Variants in RGS9BP observed in about 807,000 individuals in gnomAD.
RGS9BP encodes the protein regulator of G protein signaling 9 binding protein.
A neutral mutation model predicts 3.8 loss-of-function variants in RGS9BP; 1 was observed. The observed-to-expected ratio is 0.26, with a 90% confidence interval of 0.09 to 1.24. RGS9BP has a LOEUF of 1.24. Ranked by LOEUF, RGS9BP falls within the 50% of genes most tolerant of loss-of-function variation. The pLI is 0.48. For synonymous variants in RGS9BP, 200 were observed against 177.8 expected, an observed-to-expected ratio of 1.13 and a Z score of -1.00; for missense variants, 363 against 344.3, an observed-to-expected ratio of 1.05 and a Z score of -0.43.
At position 32,677,075 on chromosome 19, in the gene RGS9BP, G is replaced by T. The variant is rs566484123; in HGVS notation, c.*104G>T. ...GCAAGGGGAGTGGTCCTAAAACCCC[G>T]TGTGTGCATGGGTACACGCGCGTTT... On this transcript the variant is annotated 3_prime_UTR_variant, in exon 1 of 1. Coordinates refer to ENST00000334176, the MANE Select transcript of RGS9BP (RefSeq NM_207391.3). The T allele has an allele frequency of 1.0e-6, 1 of 972,794 alleles. No individual in the cohort carries two copies. The highest frequency in any genetic ancestry group is 1.6e-6 in the Non-Finnish European group (1 of 621,626). 60.3% of individuals were successfully genotyped at this position (972,794 alleles called of 1,614,324 possible).
chr19:32,676,548 C>A lies in RGS9BP; in HGVS notation c.285C>A (p.Arg95=), dbSNP rs1411507378. 1 of 1,468,370 alleles carries A rather than the reference C, an allele frequency of 6.8e-7. No homozygotes were observed. The highest frequency in any genetic ancestry group is 1.5e-5 in the African/African-American group (1 of 67,578). 91.0% of individuals were successfully genotyped at this position (1,468,370 alleles called of 1,614,324 possible). A position where few individuals can be genotyped will look rare whatever the true frequency, so the allele number is the denominator to read the frequency against. The change falls in exon 1 of 1, where the codon CGC becomes CGA. Residue 95 remains arginine (R), a synonymous_variant. Coordinates refer to ENST00000334176, the MANE Select transcript of RGS9BP (RefSeq NM_207391.3). ...ACCTGCTGGAAGCGGACATGCGACG[C>A]GCGCTGGAGCTGGGCGCCGCGTTCC... ...CLDLLEADMR[R]ALELGAAFPL...
Position 32,677,447 on chromosome 19 carries a change from C to T in RGS9BP, c.*476C>T, listed in dbSNP as rs1353132951. ...TTTCCCGGACAAGAAAAATTGCAATCAAATGTCAGCAGCTTTTATTACCTT... is the reference window on the plus strand; with the variant it reads ...TTTCCCGGACAAGAAAAATTGCAATTAAATGTCAGCAGCTTTTATTACCTT... On this transcript the variant is annotated 3_prime_UTR_variant, in exon 1 of 1. Transcript: ENST00000334176. 2 of 177,786 alleles carry T rather than the reference C, an allele frequency of 1.1e-5. No individual in the cohort carries two copies. The highest frequency in any genetic ancestry group is 4.8e-5 in the African/African-American group (2 of 41,664). 11.0% of individuals were successfully genotyped at this position (177,786 alleles called of 1,614,324 possible).
Position 32,675,947 on chromosome 19 carries a change from A to C in RGS9BP, c.-317A>C, listed in dbSNP as rs1461815210. The C allele has an allele frequency of 1.4e-5, 4 of 289,882 alleles. No individual in the cohort carries two copies. Among genetic ancestry groups the C allele is most frequent in the Admixed American group, 5.3e-5 (1 of 19,040 alleles). The allele number at this position is 289,882 out of a possible 1,614,324, so 18.0% of individuals were successfully genotyped here. On this transcript the variant is annotated 5_prime_UTR_variant, in exon 1 of 1. Transcript: ENST00000334176. The stretch of plus-strand genomic sequence containing the variant: ...CACGGAGGATGGGGACCGCACCCTC[A>C]GCTTCGCAGGGAGCCACCGTGGAGG...
Position 32,676,527 on chromosome 19 carries a change from G to A in RGS9BP, c.264G>A (p.Leu88=), listed in dbSNP as rs1968002855. ...TGGCCTTCTCGGGCTGCCTGGACCT[G>A]CTGGAAGCGGACATGCGACGCGCGC... ...LWVAFSGCLD[L]LEADMRRALE... Residue 88 remains leucine, a synonymous_variant, in exon 1 of 1, where the codon CTG becomes CTA. Coordinates refer to ENST00000334176, the MANE Select transcript of RGS9BP (RefSeq NM_207391.3). 6.6e-7 allele frequency: 1 copy of A among 1,511,366 alleles called. No individual in the cohort carries two copies. The highest frequency in any genetic ancestry group is 1.4e-5 in the African/African-American group (1 of 69,700). The allele number at this position is 1,511,366 out of a possible 1,614,324, so 93.6% of individuals were successfully genotyped here. A position where few individuals can be genotyped will look rare whatever the true frequency, so the allele number is the denominator to read the frequency against.
chr19:32,677,768 T>A lies in RGS9BP; in HGVS notation c.*797T>A, dbSNP rs975502917. On this transcript the variant is annotated 3_prime_UTR_variant, in exon 1 of 1. Transcript: ENST00000334176. ...TGGGGGTAAGAGGAAGAGCAGAGGC[T>A]TGGGGTAGGGCCACCTGGTGTTTAA... The A allele has an allele frequency of 3.0e-5, 5 of 167,258 alleles. No homozygotes were observed. Among genetic ancestry groups the A allele is most frequent in the Non-Finnish European group, 5.9e-5 (4 of 68,266 alleles). The allele number at this position is 167,258 out of a possible 1,614,324, so 10.4% of individuals were successfully genotyped here. A position where few individuals can be genotyped will look rare whatever the true frequency, so the allele number is the denominator to read the frequency against.
Position 32,676,570 on chromosome 19 carries a change from T to C in RGS9BP, c.307T>C (p.Phe103Leu). ...ACGCGCGCTGGAGCTGGGCGCCGCG[T>C]TCCCGCTGCACGCGCCGCGGCGGCC... ...MRRALELGAA[F>L]PLHAPRRPLV... The change falls in exon 1 of 1, where the codon TTC becomes CTC. Residue 103 changes from phenylalanine (F) to leucine (L), a missense_variant. Phe to Leu is a conservative substitution (Grantham distance 22). Coordinates refer to ENST00000334176, the MANE Select transcript of RGS9BP (RefSeq NM_207391.3). 2 of 1,418,630 alleles carry C rather than the reference T, an allele frequency of 1.4e-6. No individual in the cohort carries two copies. The highest frequency in any genetic ancestry group is 1.8e-6 in the Non-Finnish European group (2 of 1,098,506). The allele number at this position is 1,418,630 out of a possible 1,614,324, so 87.9% of individuals were successfully genotyped here. A position where few individuals can be genotyped will look rare whatever the true frequency, so the allele number is the denominator to read the frequency against.
In RGS9BP at chr19:32,676,918, G is replaced by A. The variant is rs752238228; in HGVS notation, c.655G>A (p.Ala219Thr). ...RKALAAILFG[A>T]VLLAAVALAV... Reference sequence around the variant, plus strand: ...GGCCCTGGCCGCCATCCTTTTCGGCGCCGTGCTGCTGGCGGCTGTGGCCCT... The same window carrying A: ...GGCCCTGGCCGCCATCCTTTTCGGCACCGTGCTGCTGGCGGCTGTGGCCCT... The change falls in exon 1 of 1, where the codon GCC (alanine) becomes ACC (threonine). Residue 219 changes from alanine to threonine, a missense_variant. Physicochemically the swap from Ala to Thr is moderately conservative, Grantham distance 58. Coordinates refer to ENST00000334176, the MANE Select transcript of RGS9BP (RefSeq NM_207391.3). 17 of 1,601,962 alleles carry A rather than the reference G, an allele frequency of 1.1e-5. No individual in the cohort carries two copies.
At position 32,677,124 on chromosome 19, in the gene RGS9BP, GACACGGTT is replaced by G; in HGVS notation, c.*154_*161del. The G allele has an allele frequency of 1.5e-6, 1 of 677,988 alleles. No homozygotes were observed. Among genetic ancestry groups the G allele is most frequent in the Non-Finnish European group, 2.6e-6 (1 of 380,440 alleles). 42.0% of individuals were successfully genotyped at this position (677,988 alleles called of 1,614,324 possible). ...TTCCAGTGCACATCTGCCTGGGCAG[GACACGGTT>G]TCCTCTTGCTGGCCCGGGAGGAGTT... is the stretch of plus-strand genomic sequence containing the variant. On this transcript the variant is annotated 3_prime_UTR_variant, in exon 1 of 1. Coordinates refer to ENST00000334176, the MANE Select transcript of RGS9BP (RefSeq NM_207391.3).
Position 32,676,676 on chromosome 19 carries a change from C to G in RGS9BP, c.413C>G (p.Ala138Gly). ...AGCACCCGCAGCCTGCGGCTCGAGG[C>G]GGAGGGCGACTTCGACGTCGCGGAC... ...ALSTRSLRLEAEGDFDVADLR... is the reference protein window; with the variant it reads ...ALSTRSLRLEGEGDFDVADLR... Residue 138 changes from alanine to glycine, a missense_variant, in exon 1 of 1, where the codon GCG becomes GGG. Transcript: ENST00000334176. 1 of 1,535,120 alleles carries G rather than the reference C, an allele frequency of 6.5e-7. No individual in the cohort carries two copies. The highest frequency in any genetic ancestry group is 8.7e-7 in the Non-Finnish European group (1 of 1,146,540).
In RGS9BP at chr19:32,676,672, G is replaced by C. The variant is rs1014043479; in HGVS notation, c.409G>C (p.Glu137Gln). The part of the protein sequence containing the change: ...RALSTRSLRL[E>Q]AEGDFDVADL... ...GCTGAGCACCCGCAGCCTGCGGCTC[G>C]AGGCGGAGGGCGACTTCGACGTCGC... is the stretch of plus-strand genomic sequence containing the variant. The change falls in exon 1 of 1, where the codon GAG becomes CAG. Residue 137 changes from glutamate (E) to glutamine (Q), a missense_variant. Coordinates refer to ENST00000334176, the MANE Select transcript of RGS9BP (RefSeq NM_207391.3). 16 of 1,534,740 alleles carry C rather than the reference G, an allele frequency of 1.0e-5. No individual in the cohort carries two copies. In the Admixed American group the frequency reaches 1.2e-4, roughly 11 times the overall value.
rs562708094 is a variant in RGS9BP at position 32,677,681 on chromosome 19, C to A, written c.*710C>A. 62 of 167,184 alleles carry A rather than the reference C, an allele frequency of 3.7e-4. No homozygotes were observed. The highest frequency in any genetic ancestry group is 1.0e-3 in the South Asian group (5 of 4,816). 10.4% of individuals were successfully genotyped at this position (167,184 alleles called of 1,614,324 possible). Reference sequence around the variant, plus strand: ...AGAGGGTGGGTTGAACCTACTCTCACGGACTTGGATCCAGTGCGCACACTT... The same window carrying A: ...AGAGGGTGGGTTGAACCTACTCTCAAGGACTTGGATCCAGTGCGCACACTT... On this transcript the variant is annotated 3_prime_UTR_variant, in exon 1 of 1. Transcript: ENST00000334176.
chr19:32,676,188 G>T lies in RGS9BP; in HGVS notation c.-76G>T. On this transcript the variant is annotated 5_prime_UTR_variant, in exon 1 of 1. Transcript: ENST00000334176. ...GCCGCGCGGCCCAAGGCCGGGATGG[G>T]GGTTAGCCACATCCTGCCGCGCTGA... The T allele has an allele frequency of 9.6e-7, 1 of 1,039,876 alleles. No individual in the cohort carries two copies. The highest frequency in any genetic ancestry group is 1.4e-6 in the Non-Finnish European group (1 of 715,302). The allele number at this position is 1,039,876 out of a possible 1,614,324, so 64.4% of individuals were successfully genotyped here.
rs1968020555 is a variant in RGS9BP, at chr19:32,676,972, C to T, written c.*1C>T. 6.3e-7 allele frequency: 1 copy of T among 1,599,952 alleles called. No individual in the cohort carries two copies. On this transcript the variant is annotated 3_prime_UTR_variant, in exon 1 of 1. Coordinates refer to ENST00000334176, the MANE Select transcript of RGS9BP (RefSeq NM_207391.3). The stretch of plus-strand genomic sequence containing the variant: ...CGTGTGCGTGGCGAAGCTGAGCTGA[C>T]GGACACCCGACGGCCGCCTGCTGCT...
At position 32,676,381 on chromosome 19, in the gene RGS9BP, C is replaced by T. The variant is rs1967998953; in HGVS notation, c.118C>T (p.Leu40=). 4.3e-6 allele frequency: 7 copies of T among 1,610,762 alleles called. No individual in the cohort carries two copies. The highest frequency in any genetic ancestry group is 5.9e-6 in the Non-Finnish European group (7 of 1,179,386). Reference sequence around the variant, plus strand: ...GGACTCGCAGAACCTGCGGCAGGAGCTGCAAAAGACGCGCCAGAAGGCGCA... The same window carrying T: ...GGACTCGCAGAACCTGCGGCAGGAGTTGCAAAAGACGCGCCAGAAGGCGCA... ...SADSQNLRQE[L]QKTRQKAQEL... The change falls in exon 1 of 1, where the codon CTG becomes TTG. Residue 40 remains leucine (L), a synonymous_variant. Coordinates refer to ENST00000334176, the MANE Select transcript of RGS9BP (RefSeq NM_207391.3).
rs529820129 is a variant in RGS9BP at position 32,676,483 on chromosome 19, G to T, written c.220G>T (p.Glu74Ter). The stretch of plus-strand genomic sequence containing the variant: ...GGGCCTGGCCGCCGACGAGCGCGCC[G>T]AGTTCGAGCGGCTCTGGGTGGCCTT... ...DRGLAADERA[E>*]FERLWVAFSG... The change falls in exon 1 of 1, where the codon GAG (glutamate) becomes TAG (stop). Residue 74 changes from glutamate to a stop codon, truncating the protein, a stop_gained. Coordinates refer to ENST00000334176, the MANE Select transcript of RGS9BP (RefSeq NM_207391.3). LOFTEE classifies it low-confidence loss of function (END_TRUNC). 1.3e-6 allele frequency: 2 copies of T among 1,551,952 alleles called. No individual in the cohort carries two copies. The highest frequency in any genetic ancestry group is 1.4e-5 in the African/African-American group (1 of 73,216).
chr19:32,676,375 C>G lies in RGS9BP; in HGVS notation c.112C>G (p.Gln38Glu), dbSNP rs1967998677. 6.2e-7 allele frequency: 1 copy of G among 1,611,160 alleles called. No individual in the cohort carries two copies. Reference protein sequence around the residue: ...GGSADSQNLRQELQKTRQKAQ... With the variant: ...GGSADSQNLREELQKTRQKAQ... The stretch of plus-strand genomic sequence containing the variant: ...CTCGGCGGACTCGCAGAACCTGCGG[C>G]AGGAGCTGCAAAAGACGCGCCAGAA... Residue 38 changes from glutamine (Q) to glutamate (E), a missense_variant, in exon 1 of 1, where the codon CAG (glutamine) becomes GAG (glutamate). Physicochemically the swap from Gln to Glu is conservative, Grantham distance 29. Coordinates refer to ENST00000334176, the MANE Select transcript of RGS9BP (RefSeq NM_207391.3).
In RGS9BP at chr19:32,676,253, A is replaced by G. The variant is rs1266447152; in HGVS notation, c.-11A>G. The G allele has an allele frequency of 7.0e-6, 11 of 1,568,516 alleles. No individual in the cohort carries two copies. In the South Asian group the frequency reaches 1.3e-4, roughly 18 times the overall value. ...GGCGCGGGCGGCCGGGCCCAGCCGG[A>G]GCCCACCGCGATGGCGAGGGAGGAG... On this transcript the variant is annotated 5_prime_UTR_variant, in exon 1 of 1. Coordinates refer to ENST00000334176, the MANE Select transcript of RGS9BP (RefSeq NM_207391.3).
Position 32,677,709 on chromosome 19 carries a change from C to T in RGS9BP, c.*738C>T, listed in dbSNP as rs1968033759. 1 of 167,216 alleles carries T rather than the reference C, an allele frequency of 6.0e-6. No homozygotes were observed. Among genetic ancestry groups the T allele is most frequent in the Non-Finnish European group, 1.5e-5 (1 of 68,174 alleles). 10.4% of individuals were successfully genotyped at this position (167,216 alleles called of 1,614,324 possible). A position where few individuals can be genotyped will look rare whatever the true frequency, so the allele number is the denominator to read the frequency against. On this transcript the variant is annotated 3_prime_UTR_variant, in exon 1 of 1. Coordinates refer to ENST00000334176, the MANE Select transcript of RGS9BP (RefSeq NM_207391.3). ...ACTTGGATCCAGTGCGCACACTTGC[C>T]TGCGGAAAAGGGCTCTCCCCAGCCA...
Position 32,676,622 on chromosome 19 carries a change from C to CCAGCCA in RGS9BP, c.360_361insAGCCAC (p.Ser121_Ser122insHisSer), listed in dbSNP as rs1568426427. 6.5e-7 allele frequency: 1 copy of CCAGCCA among 1,528,788 alleles called. No individual in the cohort carries two copies. Among genetic ancestry groups the CCAGCCA allele is most frequent in the East Asian group, 2.5e-5 (1 of 40,626 alleles). 94.7% of individuals were successfully genotyped at this position (1,528,788 alleles called of 1,614,324 possible). A position where few individuals can be genotyped will look rare whatever the true frequency, so the allele number is the denominator to read the frequency against. ...CTGGTGCGCACAGGTGTGGCTGGCG[C>CCAGCCA]CTCCTCCGGCGTGGCGGCGCGCGCG... On this transcript the variant is annotated inframe_insertion, in exon 1 of 1. Coordinates refer to ENST00000334176, the MANE Select transcript of RGS9BP (RefSeq NM_207391.3).
Sources: allele counts gnomAD v4.1 joint callset, GRCh38; gene constraint gnomAD v4.1.1; transcripts MANE v1.5; gene names NCBI Gene and HGNC (gene_info 2026-07-23, HGNC 2026-07-21).